Variants in FBXO38 observed in about 807,000 individuals in gnomAD.
FBXO38 encodes F-box only protein 38.
FBXO38 carries 53 observed loss-of-function variants against 131.9 expected under a neutral mutation model. That is an observed-to-expected ratio of 0.40 (90% CI 0.32 to 0.51). The LOEUF (loss-of-function observed/expected upper bound fraction) is 0.51. Among genes scored for constraint, FBXO38 ranks in the 20% least tolerant of loss-of-function variants. FBXO38 has a pLI of 0.53. For missense variants in FBXO38, 1,076 were observed against 1,475.6 expected (o/e 0.73, Z 4.44); for synonymous variants, 452 against 505.6 (o/e 0.89, Z 1.42).
chr5:148,430,846 G>T (rs1286510263), intron 15 of FBXO38: 1 of 152,108 alleles, frequency 6.6e-6, no homozygotes, highest in Non-Finnish European at 1.5e-5. Context: ...TAACTAAGTT[G>T]CTTTTAATCC....
intron 13 of FBXO38, among the ~76,000 whole-genome samples, chr5:148,424,459 C>A (rs77162519): frequency 0.03 from 4,497 of 152,214 alleles, 212 homozygotes; most frequent in African/African-American, 0.1. Flanking sequence ...CCCCTCAATT[C>A]AGTTAGAGAG....
chr5:148,399,349 C>G (rs908789822), intron 3 of FBXO38: 2 of 539,046 alleles, frequency 3.7e-6, no homozygotes, highest in Non-Finnish European at 6.6e-6. Flanking sequence ...CATTTCCTGT[C>G]CTTAAGTAAC....
rs1176464933 is a variant in FBXO38, at chr5:148,413,997, A to G, written c.1094-139A>G. ...TACGGAATACCTAACCTAAAATTATACCTGAACCCAATGATAAGCAGATGA... is the reference window on the plus strand; with the variant it reads ...TACGGAATACCTAACCTAAAATTATGCCTGAACCCAATGATAAGCAGATGA... On this transcript the variant is annotated intron_variant, in intron 9 of 21. Transcript: ENST00000340253. The G allele has an allele frequency of 4.4e-5, 29 of 654,256 alleles. 1 individual carries two copies. The Admixed American group carries it at 8.7e-4, about 20-fold the overall frequency. 40.5% of individuals were successfully genotyped at this position (654,256 alleles called of 1,614,324 possible).
At chr5:148,402,207 G>T (rs1323734708) in intron 4 of FBXO38, 62 bp downstream of exon 4, 1 of 1,567,932 alleles carries the variant, frequency 6.4e-7, no homozygotes, top group Non-Finnish European at 8.7e-7. Flanking sequence ...ACCAAAGAAT[G>T]ATAGACGTGT....
In FBXO38 at chr5:148,417,171, C is replaced by T. The variant is rs1424326950; in HGVS notation, c.1585C>T (p.Leu529=). 1 of 1,613,592 alleles carries T rather than the reference C, an allele frequency of 6.2e-7. No individual in the cohort carries two copies. The highest frequency in any genetic ancestry group is 1.7e-5 in the Admixed American group (1 of 59,970). The change falls in exon 12 of 22, where the codon CTG becomes TTG. Residue 529 remains leucine, a synonymous_variant. Coordinates refer to ENST00000340253, the MANE Select transcript of FBXO38 (RefSeq NM_205836.3). The part of the protein sequence containing the change: ...SDEENDFRQD[L]QPGEQQFAAD... ...CGAGGAGAATGACTTTCGGCAAGAT[C>T]TGCAGCCAGGAGAGCAGCAGTTTGC...
intron 12 of FBXO38, among the ~76,000 whole-genome samples, chr5:148,423,374 C>T (rs1016891794): frequency 1.3e-5 from 2 of 152,046 alleles, no homozygotes; most frequent in Non-Finnish European, 2.9e-5. Flanking sequence ...AAGATTGCTA[C>T]GAGAAATAAA....
rs757064226 is a variant in FBXO38 at position 148,404,709 on chromosome 5, G to C, written c.617G>C (p.Cys206Ser). The change falls in exon 6 of 22, where the codon TGT (cysteine) becomes TCT (serine). Residue 206 changes from cysteine (C) to serine (S), a missense_variant. Physicochemically the swap from Cys to Ser is moderately radical, Grantham distance 112. Coordinates refer to ENST00000340253, the MANE Select transcript of FBXO38 (RefSeq NM_205836.3). ...GGGGTGAATGTTCCTGAAATTCCTT[G>C]TATCCCAATGCTAAGGCACCTTTAT... The part of the protein sequence containing the change: ...LVGVNVPEIP[C>S]IPMLRHLYMK... 20 of 1,584,340 alleles carry C rather than the reference G, an allele frequency of 1.3e-5. No individual in the cohort carries two copies. Among genetic ancestry groups the C allele is most frequent in the Non-Finnish European group, 1.7e-5 (20 of 1,167,898 alleles).
intron 18 of FBXO38, among the ~76,000 whole-genome samples, 159 bp from the exon 19 acceptor site, chr5:148,439,488 A>G (rs1298417450): frequency 2.6e-5 from 4 of 152,220 alleles, no homozygotes; most frequent in African/African-American, 9.6e-5. Context: ...TATTCCCAGC[A>G]TGACAGACTG....
chr5:148,407,792 G>A lies in FBXO38; in HGVS notation c.869-1332G>A, dbSNP rs537754878. Among the ~76,000 whole-genome samples the A allele has an allele frequency of 4.5e-3, 690 of 152,228 alleles. 4 individuals carry two copies. The highest frequency in any genetic ancestry group is 8.5e-3 in the Non-Finnish European group (579 of 68,014). Reference sequence around the variant, plus strand: ...TACAAAAAATTAGCCCGTCGTGGTGGCGGGCACCTGTAGTCCCAGCTACTC... The same window carrying A: ...TACAAAAAATTAGCCCGTCGTGGTGACGGGCACCTGTAGTCCCAGCTACTC... On this transcript the variant is annotated intron_variant, in intron 7 of 21. Transcript: ENST00000340253.
intron 1 of FBXO38, among the ~76,000 whole-genome samples, chr5:148,385,624 TG>T (rs1246213651): frequency 2.0e-5 from 3 of 152,116 alleles, no homozygotes; most frequent in Non-Finnish European, 2.9e-5. Context: ...GGGGGGTTTT[TG>T]TTTTGTTTTG....
intron 12 of FBXO38, among the ~76,000 whole-genome samples, chr5:148,419,553 T>C (rs1753277369): frequency 6.6e-6 from 1 of 152,220 alleles, no homozygotes; most frequent in Non-Finnish European, 1.5e-5. Context: ...GAAACTGGTA[T>C]TAACATGTTG....
At chr5:148,438,909 G>T (rs1754508522) in intron 18 of FBXO38, among the ~76,000 whole-genome samples, 1 of 152,136 alleles carries the variant, frequency 6.6e-6, no homozygotes, top group Admixed American at 6.5e-5. Flanking sequence ...TACTGTTAGT[G>T]TCATTATCAT....
chr5:148,409,597 A>G (rs1217254594), intron 8 of FBXO38, among the ~76,000 whole-genome samples: 1 of 152,210 alleles, frequency 6.6e-6, no homozygotes. Context: ...TTACTTGGTG[A>G]TAATATTTGC....
At chr5:148,396,642 T>C (rs1032220270) in intron 2 of FBXO38, among the ~76,000 whole-genome samples, 2 of 152,142 alleles carry the variant, frequency 1.3e-5, no homozygotes, top group African/African-American at 4.8e-5. Context: ...ATATATAATA[T>C]GTATATATTT....
chr5:148,385,558 A>G (rs1487429081), intron 1 of FBXO38, among the ~76,000 whole-genome samples: 2 of 152,276 alleles, frequency 1.3e-5, no homozygotes, highest in African/African-American at 4.8e-5. Context: ...CTTATCTGTA[A>G]AACGAAGGGT....
chr5:148,419,569 C>T (rs935321074), intron 12 of FBXO38, among the ~76,000 whole-genome samples: 1 of 152,156 alleles, frequency 6.6e-6, no homozygotes, highest in Admixed American at 6.5e-5. Context: ...TGTTGACTCT[C>T]CTTGATGTAC....
intron 1 of FBXO38, among the ~76,000 whole-genome samples, chr5:148,385,608 C>T (rs1447974159): frequency 6.6e-6 from 1 of 152,060 alleles, no homozygotes; most frequent in Non-Finnish European, 1.5e-5. Flanking sequence ...GCACCATCAT[C>T]CTGTTGGGGG....
Position 148,442,177 on chromosome 5 carries a change from T to C in FBXO38, c.*30T>C. 1 of 1,604,796 alleles carries C rather than the reference T, an allele frequency of 6.2e-7. No homozygotes were observed. Among genetic ancestry groups the C allele is most frequent in the Non-Finnish European group, 8.5e-7 (1 of 1,174,154 alleles). ...TCCCTCCTCCTTTCCAGCTATTTTGTCAGAAAGCAAGTAGGGCCATCCAGC... is the reference window on the plus strand; with the variant it reads ...TCCCTCCTCCTTTCCAGCTATTTTGCCAGAAAGCAAGTAGGGCCATCCAGC... On this transcript the variant is annotated 3_prime_UTR_variant, in exon 22 of 22. Transcript: ENST00000340253.
Position 148,427,833 on chromosome 5 carries a change from A to T in FBXO38, c.2539A>T (p.Arg847Trp), listed in dbSNP as rs1396830356. 1 of 1,603,464 alleles carries T rather than the reference A, an allele frequency of 6.2e-7. No individual in the cohort carries two copies. The highest frequency in any genetic ancestry group is 1.7e-5 in the Admixed American group (1 of 58,966). The part of the protein sequence containing the change: ...SGSGATGEDR[R>W]GSSQPESCDV... Reference sequence around the variant, plus strand: ...CTCTGGGGCTACAGGTGAGGACAGGAGGGGGAGCTCCCAGCCTGAGAGTTG... The same window carrying T: ...CTCTGGGGCTACAGGTGAGGACAGGTGGGGGAGCTCCCAGCCTGAGAGTTG... Residue 847 changes from arginine to tryptophan, a missense_variant, in exon 15 of 22, where the codon AGG (arginine) becomes TGG (tryptophan). By Grantham distance (101) the Arg-to-Trp change is moderately radical. Coordinates refer to ENST00000340253, the MANE Select transcript of FBXO38 (RefSeq NM_205836.3).
Sources: allele counts gnomAD v4.1 joint callset (sites outside exome capture counted in the v4.1 genomes callset), GRCh38; gene constraint gnomAD v4.1.1; transcripts MANE v1.5; gene names NCBI Gene and HGNC (gene_info 2026-07-23, HGNC 2026-07-21).